UNC13B: variants seen among roughly 807,000 people sequenced by gnomAD.
The protein encoded by UNC13B is protein unc-13 homolog B.
Under a neutral mutation model 211.0 loss-of-function variants are expected in UNC13B, and 144 were observed. That is an observed-to-expected ratio of 0.68 (90% CI 0.60 to 0.78). The LOEUF is 0.78. UNC13B is among the 30% of genes least tolerant of loss of function. UNC13B has a pLI of 0.00. For synonymous variants in UNC13B, 709 were observed against 725.8 expected, an observed-to-expected ratio of 0.98 and a Z score of 0.37; for missense variants, 1,777 against 2,002.0, an observed-to-expected ratio of 0.89 and a Z score of 2.14.
chr9:35,387,179 G>A (rs1430023889), intron 24 of UNC13B, among the ~76,000 whole-genome samples: 1 of 152,186 alleles, frequency 6.6e-6, no homozygotes, highest in Non-Finnish European at 1.5e-5. Context: ...AGGAGGAAGA[G>A]TCTTTTCGCA....
intron 1 of UNC13B, among the ~76,000 whole-genome samples, chr9:35,189,541 T>C (rs1002614938): frequency 6.6e-6 from 1 of 152,238 alleles, no homozygotes; most frequent in Non-Finnish European, 1.5e-5. Context: ...TCATGTGAAC[T>C]AAAAAATATT....
At chr9:35,251,120 A>G (rs1275863117) in intron 6 of UNC13B, among the ~76,000 whole-genome samples, 1 of 151,420 alleles carries the variant, frequency 6.6e-6, no homozygotes. Flanking sequence ...CCGCCACCGC[A>G]CCCGGCTAAT....
intron 1 of UNC13B, among the ~76,000 whole-genome samples, chr9:35,165,496 C>A (rs1472162277): frequency 6.6e-6 from 1 of 150,650 alleles, no homozygotes; most frequent in African/African-American, 2.4e-5. Context: ...CAGCTCACTG[C>A]AACTTCTGCC....
intron 4 of UNC13B, 108 bp from the exon 5 acceptor site, chr9:35,237,595 A>G (rs1176840147): frequency 2.1e-6 from 3 of 1,400,274 alleles, no homozygotes; most frequent in African/African-American, 2.9e-5. Flanking sequence ...CAGGATGTGA[A>G]TGGCCCTCAG....
intron 17 of UNC13B, among the ~76,000 whole-genome samples, chr9:35,379,404 A>C (rs1385054569): frequency 6.6e-6 from 1 of 152,122 alleles, no homozygotes; most frequent in African/African-American, 2.4e-5. Flanking sequence ...CACCAAGATC[A>C]TGCCACTGTA....
intron 1 of UNC13B, among the ~76,000 whole-genome samples, chr9:35,197,008 C>G (rs948501793): frequency 5.9e-5 from 9 of 151,844 alleles, no homozygotes; most frequent in Non-Finnish European, 7.4e-5. Flanking sequence ...TGTGCTCAAG[C>G]ATTCCTCCTG....
At chr9:35,370,470 G>C (rs2132184477) in intron 13 of UNC13B, 74 bp downstream of exon 13, 1 of 1,420,558 alleles carries the variant, frequency 7.0e-7, no homozygotes, top group East Asian at 2.3e-5. Flanking sequence ...CAAGCTGTCA[G>C]GATTGGAAGT....
chr9:35,392,172 C>A (rs899331372), intron 26 of UNC13B, among the ~76,000 whole-genome samples: 69 of 152,274 alleles, frequency 4.5e-4, no homozygotes, highest in Middle Eastern at 3.4e-3. Flanking sequence ...ATGTATTTAG[C>A]ATACTGCCTG....
At chr9:35,175,252 T>C (rs1821560888) in intron 1 of UNC13B, among the ~76,000 whole-genome samples, 1 of 152,372 alleles carries the variant, frequency 6.6e-6, no homozygotes, top group East Asian at 1.9e-4. Flanking sequence ...GTAACCCAAA[T>C]GTAGGTTTGT....
chr9:35,280,582 A>T (rs1261512983), intron 7 of UNC13B, among the ~76,000 whole-genome samples: 1 of 152,176 alleles, frequency 6.6e-6, no homozygotes, highest in African/African-American at 2.4e-5. Flanking sequence ...TAGGACTGTC[A>T]GTAAGGGTGG....
chr9:35,366,983 C>G lies in UNC13B; in HGVS notation c.9451C>G (p.Leu3151Val), dbSNP rs147014808. ...TGGTGACCCCTCTCTGCCTCAGTGG[C>G]TCCCGGAAGGGTAAGTAATTCACTG... ...DDGDPSLPQW[L>V]PEGPAGGLYG... The change falls in exon 12 of 40, where the codon CTC becomes GTC. Residue 3151 changes from leucine (L) to valine (V), a missense_variant. Leu to Val is a conservative substitution (Grantham distance 32, BLOSUM62 1). Coordinates refer to ENST00000635942, the MANE Select transcript of UNC13B (RefSeq NM_001371189.2). The G allele has an allele frequency of 3.1e-5, 50 of 1,613,870 alleles. 1 individual carries two copies. In the South Asian group the frequency reaches 5.1e-4, roughly 16 times the overall value.
At chr9:35,309,769 A>C (rs1408980224) in intron 9 of UNC13B, among the ~76,000 whole-genome samples, 3 of 152,214 alleles carry the variant, frequency 2.0e-5, no homozygotes, top group Non-Finnish European at 2.9e-5. Context: ...CTTGCCCTGA[A>C]AGAAGCTCAG....
intron 4 of UNC13B, among the ~76,000 whole-genome samples, chr9:35,237,046 G>C (rs1034450443): frequency 6.6e-6 from 1 of 152,100 alleles, no homozygotes; most frequent in African/African-American, 2.4e-5. Context: ...GCCTGACAGA[G>C]TTTAAGGAAC....
intron 1 of UNC13B, among the ~76,000 whole-genome samples, chr9:35,198,231 G>A (rs1823054611): frequency 6.6e-6 from 1 of 152,208 alleles, no homozygotes; most frequent in Non-Finnish European, 1.5e-5. Context: ...GAGTTCTCAT[G>A]AATAGGTCAG....
At chr9:35,329,933 G>A (rs1211099750) in intron 11 of UNC13B, among the ~76,000 whole-genome samples, 2 of 152,158 alleles carry the variant, frequency 1.3e-5, no homozygotes, top group Non-Finnish European at 2.9e-5. Context: ...AGGTCCACTT[G>A]GAGAGAAATA....
At chr9:35,339,345 C>A (rs1176598569) in intron 11 of UNC13B, among the ~76,000 whole-genome samples, 1 of 152,216 alleles carries the variant, frequency 6.6e-6, no homozygotes, top group African/African-American at 2.4e-5. Context: ...CCTACTCAGG[C>A]TTCCCCAGGG....
chr9:35,272,313 A>G (rs1469709654), intron 7 of UNC13B, among the ~76,000 whole-genome samples: 1 of 141,176 alleles, frequency 7.1e-6, no homozygotes, highest in Non-Finnish European at 1.5e-5. Flanking sequence ...GCTGGAGTGC[A>G]GTGGCAGAAT....
At chr9:35,198,451 TAATTA>T (rs1225890064) in intron 1 of UNC13B, among the ~76,000 whole-genome samples, 1 of 152,264 alleles carries the variant, frequency 6.6e-6, no homozygotes, top group Non-Finnish European at 1.5e-5. Flanking sequence ...AACTGTGGGC[TAATTA>T]AATATTAAAT....
chr9:35,179,529 T>G (rs10738940), intron 1 of UNC13B, among the ~76,000 whole-genome samples: 124,781 of 152,108 alleles, frequency 0.82, 51,438 homozygotes, highest in East Asian at 0.98. Context: ...AGTGGCTCGC[T>G]CCTGTAATCC....
Sources: gnomAD v4.1 joint callset for allele counts (sites outside exome capture counted in the v4.1 genomes callset) on GRCh38, gnomAD v4.1.1 for gene constraint, MANE v1.5 for transcripts, NCBI Gene and HGNC (gene_info 2026-07-23, HGNC 2026-07-21) for gene names.